Variants in TTC27 observed in about 807,000 individuals in gnomAD.
TTC27 encodes the protein tetratricopeptide repeat domain 27.
In TTC27, 79 loss-of-function variants were observed where a neutral mutation model predicts 115.9. The observed-to-expected ratio is 0.68, with a 90% CI of 0.57 to 0.82. The LOEUF is 0.82. Among genes scored for constraint, TTC27 ranks in the 40% least tolerant of loss-of-function variants. The pLI is 0.00. For missense variants in TTC27, 1,054 were observed against 993.1 expected, an observed-to-expected ratio of 1.06 and a Z score of -0.82; for synonymous variants, 401 against 356.0, an observed-to-expected ratio of 1.13 and a Z score of -1.42.
intron 5 of TTC27, among the ~76,000 whole-genome samples, chr2:32,658,781 T>C (rs1215925004): frequency 6.6e-6 from 1 of 152,152 alleles, no homozygotes; most frequent in African/African-American, 2.4e-5. Context: ...TAGCCTGTCT[T>C]TATATGTAGT....
In TTC27 at chr2:32,787,036, T is replaced by G; in HGVS notation, c.1885T>G (p.Trp629Gly). 6.2e-7 allele frequency: 1 copy of G among 1,614,124 alleles called. No homozygotes were observed. The change falls in exon 16 of 20, where the codon TGG becomes GGG. Residue 629 changes from tryptophan to glycine, a missense_variant. Coordinates refer to ENST00000317907, the MANE Select transcript of TTC27 (RefSeq NM_017735.5). ...AGCTCTCAAGTGTAACTATGAACAC[T>G]GGCAGATTTGGGAAAACTACATCCT... ...QEALKCNYEH[W>G]QIWENYILTS...
intron 5 of TTC27, among the ~76,000 whole-genome samples, chr2:32,660,419 A>T (rs1665498450): frequency 6.6e-6 from 1 of 152,168 alleles, no homozygotes; most frequent in Non-Finnish European, 1.5e-5. Context: ...ATGCGGCTAT[A>T]AAAAAGGATG....
Position 32,642,486 on chromosome 2 carries a change from C to T in TTC27, c.537+2076C>T, listed in dbSNP as rs115133711. ...CGTGTTGGTTTCAAACTCCTAGCCT[C>T]AGGTAACCTGCCTGCCTTGGCCTCC... On this transcript the variant is annotated intron_variant, in intron 4 of 19. Transcript: ENST00000317907. 2.7e-3 allele frequency among the ~76,000 whole-genome samples: 405 copies of T among 151,236 alleles called. 6 individuals are homozygous for T. Among genetic ancestry groups the T allele is most frequent in the African/African-American group, 9.2e-3 (380 of 41,196 alleles).
intron 13 of TTC27, among the ~76,000 whole-genome samples, chr2:32,767,216 G>C (rs1055988157): frequency 1.3e-5 from 2 of 152,014 alleles, no homozygotes; most frequent in Admixed American, 1.3e-4. Context: ...GTAATAATTT[G>C]TAAGAAACTT....
At chr2:32,784,154 G>A (rs1177948744) in intron 15 of TTC27, among the ~76,000 whole-genome samples, 3 of 152,108 alleles carry the variant, frequency 2.0e-5, no homozygotes, top group African/African-American at 4.8e-5. Context: ...CTGGCAACCC[G>A]GATAAGTTTG....
In TTC27 at chr2:32,723,288, C is replaced by T. The variant is rs142633148; in HGVS notation, c.1234-10540C>T. Among the ~76,000 whole-genome samples, 10 of 152,168 alleles carry T rather than the reference C, an allele frequency of 6.6e-5. No homozygotes were observed. The South Asian group carries it at 1.5e-3, about 22-fold the overall frequency. ...CACTGCGTACATCTTAACATCCTTA[C>T]GCAGCATTTTCCAAATTTGCTGAAC... On this transcript the variant is annotated intron_variant, in intron 10 of 19. Coordinates refer to ENST00000317907, the MANE Select transcript of TTC27 (RefSeq NM_017735.5).
intron 9 of TTC27, among the ~76,000 whole-genome samples, chr2:32,685,091 C>A (rs1415907492): frequency 7.0e-6 from 1 of 142,526 alleles, no homozygotes; most frequent in Non-Finnish European, 1.5e-5. Context: ...AGTGCAATGG[C>A]GCAATCTTGG....
At chr2:32,709,258 C>T (rs766369625) in intron 10 of TTC27, among the ~76,000 whole-genome samples, 1 of 152,134 alleles carries the variant, frequency 6.6e-6, no homozygotes, top group Non-Finnish European at 1.5e-5. Context: ...TAATGACTCA[C>T]TTCCAAAATA....
chr2:32,696,473 T>C (rs954946524), intron 9 of TTC27, among the ~76,000 whole-genome samples: 5 of 151,648 alleles, frequency 3.3e-5, no homozygotes, highest in African/African-American at 1.2e-4. Context: ...TGTGTGTTTT[T>C]AGTAGAGACT....
intron 10 of TTC27, among the ~76,000 whole-genome samples, chr2:32,721,090 G>A (rs1667909116): frequency 6.6e-6 from 1 of 152,098 alleles, no homozygotes; most frequent in Non-Finnish European, 1.5e-5. Flanking sequence ...CCTAATGAGT[G>A]GGTATGGCTT....
Position 32,702,840 on chromosome 2 carries a change from C to T in TTC27, c.1153C>T (p.Gln385Ter). 1 of 1,614,014 alleles carries T rather than the reference C, an allele frequency of 6.2e-7. No homozygotes were observed. Among genetic ancestry groups the T allele is most frequent in the Non-Finnish European group, 8.5e-7 (1 of 1,179,950 alleles). The change falls in exon 10 of 20, where the codon CAG (glutamine) becomes TAG (stop). Residue 385 changes from glutamine to a stop codon, truncating the protein, a stop_gained. Transcript: ENST00000317907. LOFTEE classifies it high-confidence loss of function. The stretch of plus-strand genomic sequence containing the variant: ...TTCACAACCAAAGTTCTGGGCCATT[C>T]AGACATCAGCCTTGATCCTCCGGAC... ...LLSQPKFWAI[Q>*]TSALILRTKL...
At chr2:32,650,272 C>G (rs1370907761) in intron 5 of TTC27, 39 bp downstream of exon 5, 1 of 1,496,808 alleles carries the variant, frequency 6.7e-7, no homozygotes, top group Non-Finnish European at 9.3e-7. Flanking sequence ...GCATGTAGCT[C>G]AGTTCTAATT....
intron 9 of TTC27, among the ~76,000 whole-genome samples, chr2:32,697,757 ATT>A (rs11296293): frequency 2.0e-5 from 3 of 146,574 alleles, no homozygotes; most frequent in Non-Finnish European, 4.5e-5. Flanking sequence ...GAAAGAAAGA[ATT>A]TTTTTTTTTT....
At chr2:32,643,179 A>G (rs1664721010) in intron 4 of TTC27, among the ~76,000 whole-genome samples, 1 of 152,144 alleles carries the variant, frequency 6.6e-6, no homozygotes, top group Admixed American at 6.6e-5. Context: ...GTCTTAGCAT[A>G]TATGAGGCTT....
intron 9 of TTC27, among the ~76,000 whole-genome samples, chr2:32,697,376 A>C (rs1667024084): frequency 6.6e-6 from 1 of 152,158 alleles, no homozygotes; most frequent in Non-Finnish European, 1.5e-5. Context: ...GATGAGTCAC[A>C]ATTTGGGGTT....
At chr2:32,714,223 A>G (rs1252136610) in intron 10 of TTC27, among the ~76,000 whole-genome samples, 1 of 141,940 alleles carries the variant, frequency 7.0e-6, no homozygotes. Context: ...CAGTGGTACC[A>G]TCTCGGCTCA....
At chr2:32,683,695 C>A (rs1337570873) in intron 9 of TTC27, among the ~76,000 whole-genome samples, 1 of 152,176 alleles carries the variant, frequency 6.6e-6, no homozygotes, top group Non-Finnish European at 1.5e-5. Context: ...TTTAGAGAGC[C>A]ATTTATGTTG....
intron 16 of TTC27, among the ~76,000 whole-genome samples, chr2:32,790,000 T>A (rs1247146996): frequency 7.0e-6 from 1 of 142,180 alleles, no homozygotes. Context: ...CCAAAATGCA[T>A]AGAGATGCAT....
intron 3 of TTC27, among the ~76,000 whole-genome samples, chr2:32,635,613 G>A (rs1442944020): frequency 6.6e-6 from 1 of 152,138 alleles, no homozygotes; most frequent in Non-Finnish European, 1.5e-5. Flanking sequence ...GAACCCGGGA[G>A]GCGGAGGTTG....
Sources: allele counts gnomAD v4.1 joint callset (sites outside exome capture counted in the v4.1 genomes callset), GRCh38; gene constraint gnomAD v4.1.1; transcripts MANE v1.5; gene names NCBI Gene and HGNC (gene_info 2026-07-23, HGNC 2026-07-21).